SLC16A14: variants seen among roughly 807,000 people sequenced by gnomAD.
SLC16A14 encodes the protein solute carrier family 16 member 14, also known as monocarboxylate transporter 14.
SLC16A14 carries 14 observed loss-of-function variants against 35.8 expected under a neutral mutation model. The ratio of observed to expected loss-of-function variants is 0.39; its 90% CI spans 0.26 to 0.61. The LOEUF (loss-of-function observed/expected upper bound fraction) is 0.61. SLC16A14 is among the 20% of genes least tolerant of loss of function. The pLI is 0.51. For missense variants in SLC16A14, 533 were observed against 655.0 expected (o/e 0.81, Z 2.03); for synonymous variants, 248 against 258.9 (o/e 0.96, Z 0.40).
intron 2 of SLC16A14, among the ~76,000 whole-genome samples, chr2:230,054,274 T>C (rs943543163): frequency 6.6e-6 from 1 of 151,810 alleles, no homozygotes; most frequent in African/African-American, 2.4e-5. Context: ...GAAAAGAAAA[T>C]ACAGACTTGG....
At chr2:230,065,090 T>C (rs1011815268) in intron 1 of SLC16A14, among the ~76,000 whole-genome samples, 2 of 152,204 alleles carry the variant, frequency 1.3e-5, no homozygotes, top group African/African-American at 4.8e-5. Flanking sequence ...TCTAAATCAA[T>C]GATAAGAACT....
chr2:230,050,827 C>G (rs1490505098), intron 2 of SLC16A14, among the ~76,000 whole-genome samples: 5 of 152,206 alleles, frequency 3.3e-5, no homozygotes, highest in Non-Finnish European at 5.9e-5. Flanking sequence ...ACTAAGCTCT[C>G]TTCATTATAC....
intron 3 of SLC16A14, 82 bp downstream of exon 3, chr2:230,049,679 C>G: frequency 6.8e-7 from 1 of 1,464,950 alleles, no homozygotes; most frequent in Non-Finnish European, 9.4e-7. Flanking sequence ...TTTAATGTGT[C>G]TCTTTTCTCC....
chr2:230,066,591 C>T (rs1206538354), intron 1 of SLC16A14: 1 of 417,028 alleles, frequency 2.4e-6, no homozygotes, highest in Non-Finnish European at 4.7e-6. Flanking sequence ...GATATTAGAA[C>T]AAAATTAAAT....
At chr2:230,056,641 G>A (rs1252493759) in intron 2 of SLC16A14, among the ~76,000 whole-genome samples, 2 of 152,028 alleles carry the variant, frequency 1.3e-5, no homozygotes, top group Non-Finnish European at 2.9e-5. Flanking sequence ...GCTGAGGCAG[G>A]AGGATCTCTT....
At chr2:230,054,094 G>A (rs961039218) in intron 2 of SLC16A14, among the ~76,000 whole-genome samples, 31 of 151,554 alleles carry the variant, frequency 2.0e-4, no homozygotes, top group African/African-American at 7.5e-4. Flanking sequence ...GGTGGGGGGG[G>A]AAGTTAAAGC....
At chr2:230,060,407 G>A (rs769022425) in intron 1 of SLC16A14, among the ~76,000 whole-genome samples, 5 of 152,092 alleles carry the variant, frequency 3.3e-5, no homozygotes, top group Non-Finnish European at 5.9e-5. Context: ...GCAGTGGTGT[G>A]ATCATAGCTC....
At chr2:230,053,764 G>C (rs2077680917) in intron 2 of SLC16A14, among the ~76,000 whole-genome samples, 1 of 152,104 alleles carries the variant, frequency 6.6e-6, no homozygotes, top group South Asian at 2.1e-4. Context: ...CTGGGTGACA[G>C]AGTGCGACTT....
At chr2:230,048,991 C>A (rs1056890497) in intron 3 of SLC16A14, among the ~76,000 whole-genome samples, 1 of 143,754 alleles carries the variant, frequency 7.0e-6, no homozygotes, top group Non-Finnish European at 1.5e-5. Flanking sequence ...TTTCCTTAAT[C>A]TTTTTTAAAA....
At chr2:230,044,722 GTGTGTGTGTGTGTGTA>G (rs748952568) in intron 4 of SLC16A14, among the ~76,000 whole-genome samples, 15,723 of 129,058 alleles carry the variant, frequency 0.12, 1,136 homozygotes, top group East Asian at 0.35. Flanking sequence ...GTGTGTGTGT[GTGTGTGTGTGTGTGTA>G]TGTGTGTGTG....
rs2077536630 is a variant in SLC16A14 at position 230,038,697 on chromosome 2, G to A, written c.1382-1166C>T. 6.6e-6 allele frequency among the ~76,000 whole-genome samples: 1 copy of A among 152,114 alleles called. No individual in the cohort carries two copies. The highest frequency in any genetic ancestry group is 2.1e-4 in the South Asian group (1 of 4,828). The stretch of plus-strand genomic sequence containing the variant: ...AGGCGGGCAGATCACATGAAGCCAG[G>A]AGTTCGAGACCAGCCTGGCCAACAT... On this transcript the variant is annotated intron_variant, in intron 4 of 4. Coordinates refer to ENST00000295190, the MANE Select transcript of SLC16A14 (RefSeq NM_152527.5). This position sits in a 1 kb window ranked among gnomAD's most constrained non-coding sequence, Gnocchi z 4.4.
At chr2:230,064,336 G>C (rs957372618) in intron 1 of SLC16A14, among the ~76,000 whole-genome samples, 3 of 151,954 alleles carry the variant, frequency 2.0e-5, no homozygotes, top group African/African-American at 7.3e-5. Context: ...GTGTGTCTGT[G>C]TATGCATGTA....
At chr2:230,062,549 G>A (rs2077759762) in intron 1 of SLC16A14, among the ~76,000 whole-genome samples, 1 of 151,828 alleles carries the variant, frequency 6.6e-6, no homozygotes, top group African/African-American at 2.4e-5. Flanking sequence ...GACTTTCACC[G>A]TGCTGCCCAG....
intron 1 of SLC16A14, among the ~76,000 whole-genome samples, chr2:230,060,404 T>C (rs2077742082): frequency 6.6e-6 from 1 of 152,138 alleles, no homozygotes; most frequent in Non-Finnish European, 1.5e-5. Flanking sequence ...AGTGCAGTGG[T>C]GTGATCATAG....
At chr2:230,047,375 G>A (rs1349044821) in intron 3 of SLC16A14, among the ~76,000 whole-genome samples, 2 of 144,266 alleles carry the variant, frequency 1.4e-5, no homozygotes, top group African/African-American at 2.6e-5. Flanking sequence ...GCAATGGTGC[G>A]ATCACAGCTC....
intron 2 of SLC16A14, among the ~76,000 whole-genome samples, chr2:230,057,791 C>T (rs1456750354): frequency 6.6e-6 from 1 of 152,126 alleles, no homozygotes; most frequent in African/African-American, 2.4e-5. Flanking sequence ...ATTTGGGAGG[C>T]CAAGGCAGGT....
chr2:230,044,827 C>T (rs1235098341), intron 4 of SLC16A14, among the ~76,000 whole-genome samples: 1 of 151,168 alleles, frequency 6.6e-6, no homozygotes, highest in Non-Finnish European at 1.5e-5. Context: ...GATCCTCCTG[C>T]CTCGGCCTCC....
chr2:230,045,607 T>C, intron 4 of SLC16A14, 138 bp downstream of exon 4: 1 of 935,664 alleles, frequency 1.1e-6, no homozygotes, highest in Non-Finnish European at 1.6e-6. Flanking sequence ...AATGTATAAA[T>C]GAGAAAGTAA....
rs1484301774 is a variant in SLC16A14, at chr2:230,035,666, G to A, written c.*1714C>T. ...TGTTGAACCAAATGGAGTATGACAT[G>A]CAATCTATTGTCTATAATAATTTAC... On this transcript the variant is annotated 3_prime_UTR_variant, in exon 5 of 5. Transcript: ENST00000295190. 1 of 152,128 alleles carries A rather than the reference G, an allele frequency of 6.6e-6. No individual in the cohort carries two copies. The highest frequency in any genetic ancestry group is 1.5e-5 in the Non-Finnish European group (1 of 68,014). 9.4% of individuals were successfully genotyped at this position (152,128 alleles called of 1,614,324 possible). A position where few individuals can be genotyped will look rare whatever the true frequency, so the allele number is the denominator to read the frequency against.
Sources: allele counts gnomAD v4.1 joint callset (sites outside exome capture counted in the v4.1 genomes callset), GRCh38; gene constraint gnomAD v4.1.1; non-coding constraint Gnocchi (gnomAD v3.1); transcripts MANE v1.5; gene names NCBI Gene and HGNC (gene_info 2026-07-23, HGNC 2026-07-21).